The following CACNA1C variants were observed in gnomAD, a reference collection of about 807,000 sequenced individuals.
The protein encoded by CACNA1C is voltage-dependent L-type calcium channel subunit alpha-1C.
CACNA1C carries 30 observed loss-of-function variants against 229.0 expected under a neutral mutation model. The observed-to-expected ratio is 0.13, with a 90% CI of 0.10 to 0.18. The LOEUF (loss-of-function observed/expected upper bound fraction) is 0.18. CACNA1C is among the 10% of genes least tolerant of loss of function. CACNA1C has a pLI of 1.00. For synonymous variants in CACNA1C, 1,114 were observed against 1,132.5 expected, an observed-to-expected ratio of 0.98 and a Z score of 0.33; for missense variants, 1,658 against 2,845.0, an observed-to-expected ratio of 0.58 and a Z score of 9.49.
chr12:2,412,911 C>T (rs35124400), intron 3 of CACNA1C, among the ~76,000 whole-genome samples: 51,952 of 152,132 alleles, frequency 0.34, 9,268 homozygotes, highest in Admixed American at 0.47. Context: ...AAGCATGCAA[C>T]TCTGTCCAAG....
In CACNA1C at chr12:2,691,112, C is replaced by T. The variant is rs1411421259; in HGVS notation, c.6330C>T (p.Gly2110=). ...ACGCGGGGCAGGACCGAGCCGGGGG[C>T]GAAGAGGACGCGGGCTGTGTGCGCG... ...CRDAGQDRAG[G]EEDAGCVRAR... Residue 2110 remains glycine, a synonymous_variant, in exon 47 of 47, where the codon GGC becomes GGT. Coordinates refer to ENST00000399655, the MANE Select transcript of CACNA1C (RefSeq NM_000719.7). 6.2e-7 allele frequency: 1 copy of T among 1,611,828 alleles called. No individual in the cohort carries two copies. The highest frequency in any genetic ancestry group is 1.3e-5 in the African/African-American group (1 of 74,984).
At chr12:2,122,494 TG>T (rs1817658385) in intron 3 of CACNA1C, among the ~76,000 whole-genome samples, 1 of 152,208 alleles carries the variant, frequency 6.6e-6, no homozygotes, top group Non-Finnish European at 1.5e-5. Context: ...AACACGATTC[TG>T]CCCCATGGAG....
intron 5 of CACNA1C, among the ~76,000 whole-genome samples, chr12:2,458,301 G>C (rs2099458298): frequency 6.6e-6 from 1 of 152,130 alleles, no homozygotes; most frequent in Non-Finnish European, 1.5e-5. Flanking sequence ...TCAGGGGAAG[G>C]GTTTGGAGAG....
intron 1 of CACNA1C, among the ~76,000 whole-genome samples, chr12:2,019,306 T>G (rs146688805): frequency 6.6e-6 from 1 of 151,934 alleles, no homozygotes; most frequent in African/African-American, 2.4e-5. Flanking sequence ...TACAAAAAAT[T>G]TTTAAAAAGT....
At chr12:2,357,323 C>G (rs1004064698) in intron 3 of CACNA1C, among the ~76,000 whole-genome samples, 5 of 152,176 alleles carry the variant, frequency 3.3e-5, no homozygotes, top group African/African-American at 9.7e-5. Context: ...GTGGAGCTAC[C>G]CAGAAACCAG....
intron 29 of CACNA1C, among the ~76,000 whole-genome samples, chr12:2,623,280 C>T (rs2084371971): frequency 6.6e-6 from 1 of 152,086 alleles, no homozygotes; most frequent in African/African-American, 2.4e-5. Context: ...CTGCCGTAGC[C>T]TCTCTGGGTC....
At chr12:2,375,258 C>T (rs1209730681) in intron 3 of CACNA1C, among the ~76,000 whole-genome samples, 3 of 152,222 alleles carry the variant, frequency 2.0e-5, no homozygotes, top group African/African-American at 4.8e-5. Flanking sequence ...GGCATCTTCC[C>T]TGTGCTGCCT....
intron 5 of CACNA1C, among the ~76,000 whole-genome samples, chr12:2,473,918 T>A (rs1009089449): frequency 5.9e-5 from 9 of 152,200 alleles, no homozygotes; most frequent in Admixed American, 2.6e-4. Context: ...CATAGAAAGA[T>A]TAGCTTATGG....
intron 45 of CACNA1C, among the ~76,000 whole-genome samples, chr12:2,688,035 C>T (rs1459719118): frequency 6.6e-6 from 1 of 152,224 alleles, no homozygotes; most frequent in Non-Finnish European, 1.5e-5. Context: ...ACACCAGCCC[C>T]ACAGGGCAGA....
At chr12:2,417,554 G>A (rs1256295189) in intron 3 of CACNA1C, among the ~76,000 whole-genome samples, 1 of 152,218 alleles carries the variant, frequency 6.6e-6, no homozygotes, top group East Asian at 1.9e-4. Context: ...AAGGGGCCCT[G>A]TGCGTGTGCT....
chr12:2,057,492 G>C (rs1012312720), intron 1 of CACNA1C, among the ~76,000 whole-genome samples: 9 of 152,188 alleles, frequency 5.9e-5, no homozygotes, highest in Non-Finnish European at 1.2e-4. Context: ...TTGGGGCTGT[G>C]CTGCTTCCAT....
At chr12:2,227,971 T>A (rs1296543696) in intron 3 of CACNA1C, among the ~76,000 whole-genome samples, 1 of 152,236 alleles carries the variant, frequency 6.6e-6, no homozygotes, top group African/African-American at 2.4e-5. Flanking sequence ...TGATTCTTGA[T>A]GCAGTCTCTT....
At chr12:2,322,175 T>C (rs1280715775) in intron 3 of CACNA1C, among the ~76,000 whole-genome samples, 2 of 152,238 alleles carry the variant, frequency 1.3e-5, no homozygotes, top group African/African-American at 4.8e-5. Context: ...TGTGCCTGTG[T>C]GGGTGATGAA....
chr12:2,462,698 G>T (rs1432651558), intron 5 of CACNA1C, among the ~76,000 whole-genome samples: 1 of 152,220 alleles, frequency 6.6e-6, no homozygotes, highest in East Asian at 1.9e-4. Flanking sequence ...TGTGAGTGGT[G>T]CCAGCTTCCT....
In CACNA1C at chr12:2,649,820, G is replaced by A. The variant is rs2094750304; in HGVS notation, c.3945+1313G>A. ...TTTTTTTTCTCCTTTCTCGAACACG[G>A]TGGAACTGACAGCTGAGTTATAAAA... On this transcript the variant is annotated intron_variant, in intron 31 of 46. Transcript: ENST00000399655. This position sits in a 1 kb window ranked among gnomAD's most constrained non-coding sequence, Gnocchi z 4.4. Among the ~76,000 whole-genome samples, 1 of 151,968 alleles carries A rather than the reference G, an allele frequency of 6.6e-6. No individual in the cohort carries two copies. Among genetic ancestry groups the A allele is most frequent in the Admixed American group, 6.6e-5 (1 of 15,260 alleles).
chr12:2,474,852 T>G (rs765098911), intron 5 of CACNA1C, among the ~76,000 whole-genome samples: 55 of 152,126 alleles, frequency 3.6e-4, no homozygotes, highest in Non-Finnish European at 6.6e-4. Flanking sequence ...AGATCAACTG[T>G]CCTGCCGAGG....
At chr12:2,159,245 G>A (rs1243501475) in intron 3 of CACNA1C, among the ~76,000 whole-genome samples, 1 of 152,094 alleles carries the variant, frequency 6.6e-6, no homozygotes, top group African/African-American at 2.4e-5. Context: ...TGTAATCCCA[G>A]CAGTTTGGGA....
At chr12:2,135,982 G>C (rs1041044352) in intron 3 of CACNA1C, among the ~76,000 whole-genome samples, 68 of 150,434 alleles carry the variant, frequency 4.5e-4, no homozygotes, top group African/African-American at 1.6e-3. Context: ...AGGACCCTCC[G>C]AGCCAGGTGT....
At chr12:2,391,612 A>AAAC (rs56840998) in intron 3 of CACNA1C, among the ~76,000 whole-genome samples, 110,519 of 151,664 alleles carry the variant, frequency 0.73, 41,227 homozygotes, top group Non-Finnish European at 0.82. Flanking sequence ...AGAGAGGAGG[A>AAAC]AACAAGGTGT....
Sources: gnomAD v4.1 joint callset for allele counts (sites outside exome capture counted in the v4.1 genomes callset) on GRCh38, gnomAD v4.1.1 for gene constraint, Gnocchi (gnomAD v3.1) non-coding constraint, MANE v1.5 for transcripts, NCBI Gene and HGNC (gene_info 2026-07-23, HGNC 2026-07-21) for gene names.